PSMD11: variants seen among roughly 807,000 people sequenced by gnomAD.
PSMD11 encodes the protein proteasome 26S subunit, non-ATPase 11, also known as 26S proteasome non-ATPase regulatory subunit 11.
A neutral mutation model predicts 62.3 loss-of-function variants in PSMD11; 5 were observed. The ratio of observed to expected loss-of-function variants is 0.08; its 90% confidence interval spans 0.04 to 0.17. The LOEUF (loss-of-function observed/expected upper bound fraction) is 0.17, where lower values mean the gene tolerates loss of function less well. Among genes scored for constraint, PSMD11 ranks in the 10% least tolerant of loss-of-function variants. PSMD11 has a pLI of 1.00. For synonymous variants in PSMD11, 191 were observed against 191.8 expected (o/e 1.00, Z 0.03); for missense variants, 310 against 512.9 (o/e 0.60, Z 3.82).
Position 32,444,520 on chromosome 17 carries a change from T to A in PSMD11, c.-4T>A, listed in dbSNP as rs925866007. The A allele has an allele frequency of 6.3e-7, 1 of 1,591,974 alleles. No individual in the cohort carries two copies. Among genetic ancestry groups the A allele is most frequent in the Non-Finnish European group, 8.5e-7 (1 of 1,170,146 alleles). On this transcript the variant is annotated 5_prime_UTR_variant, in exon 1 of 14. Coordinates refer to ENST00000261712, the MANE Select transcript of PSMD11 (RefSeq NM_002815.4). ...GCGGCCGGGGACGGTGTGAGAGCGG[T>A]AAGATGGCGGCGGCGGCGGTGGTGG...
chr17:32,470,429 C>T (rs1357480165), intron 6 of PSMD11, among the ~76,000 whole-genome samples: 1 of 152,124 alleles, frequency 6.6e-6, no homozygotes, highest in Non-Finnish European at 1.5e-5. Flanking sequence ...TCTCCTGTCT[C>T]AGCCTCCCGA....
At chr17:32,463,983 C>T in intron 3 of PSMD11, 66 bp from the exon 4 acceptor site, 2 of 1,460,014 alleles carry the variant, frequency 1.4e-6, no homozygotes, top group South Asian at 2.3e-5. Flanking sequence ...AGCTGTTCTC[C>T]AAAGCATGGT....
In PSMD11 at chr17:32,480,176, A is replaced by G; in HGVS notation, c.1105A>G (p.Ile369Val). 2 of 1,613,972 alleles carry G rather than the reference A, an allele frequency of 1.2e-6. No individual in the cohort carries two copies. Among genetic ancestry groups the G allele is most frequent in the Non-Finnish European group, 8.5e-7 (1 of 1,179,818 alleles). ...CGTGGAAAGGAAATTATCACAGATG[A>G]TTCTTGACAAGAAATTTCATGGTAA... ...ADVERKLSQM[I>V]LDKKFHGILD... The change falls in exon 12 of 14, where the codon ATT (isoleucine) becomes GTT (valine). Residue 369 changes from isoleucine (I) to valine (V), a missense_variant. Transcript: ENST00000261712.
intron 2 of PSMD11, among the ~76,000 whole-genome samples, chr17:32,450,750 G>A (rs887978316): frequency 6.6e-6 from 1 of 151,936 alleles, no homozygotes; most frequent in Non-Finnish European, 1.5e-5. Flanking sequence ...GACTAAAACA[G>A]ATGATGAACT....
chr17:32,444,790 T>G (rs992409167), intron 1 of PSMD11, 176 bp downstream of exon 1: 2 of 700,124 alleles, frequency 2.9e-6, no homozygotes, highest in Non-Finnish European at 4.6e-6. Flanking sequence ...CAGGTCTCAC[T>G]CTTGTGGGAG....
intron 9 of PSMD11, among the ~76,000 whole-genome samples, chr17:32,479,031 T>C (rs1310080676): frequency 6.6e-6 from 1 of 152,200 alleles, no homozygotes; most frequent in Non-Finnish European, 1.5e-5. Context: ...CACATGAGCC[T>C]CCCGAGTGAC....
In PSMD11 at chr17:32,477,553, C is replaced by T. The variant is rs891370507; in HGVS notation, c.882C>T (p.Ser294=). 3.7e-6 allele frequency: 6 copies of T among 1,610,670 alleles called. No individual in the cohort carries two copies. The highest frequency in any genetic ancestry group is 5.1e-6 in the Non-Finnish European group (6 of 1,178,494). ...CATTAAAATGCGTGGCTCAGGCTAG[C>T]AAGAACAGATCACTGGCAGATTTTG... ...TEALKCVAQA[S]KNRSLADFEK... Residue 294 remains serine, a synonymous_variant, in exon 9 of 14, where the codon AGC becomes AGT. Coordinates refer to ENST00000261712, the MANE Select transcript of PSMD11 (RefSeq NM_002815.4).
At chr17:32,457,682 C>T (rs1049627795) in intron 3 of PSMD11, among the ~76,000 whole-genome samples, 6 of 152,178 alleles carry the variant, frequency 3.9e-5, no homozygotes, top group Non-Finnish European at 8.8e-5. Flanking sequence ...CAGACTGTCT[C>T]ACCTGCACCT....
intron 4 of PSMD11, 71 bp downstream of exon 4, chr17:32,464,191 C>T: frequency 7.2e-7 from 1 of 1,387,690 alleles, no homozygotes; most frequent in South Asian, 1.2e-5. Context: ...GCAGTACCAT[C>T]CTTATCAAAA....
chr17:32,464,025 A>G (rs757754785), intron 3 of PSMD11, 24 bp from the exon 4 acceptor site: 18 of 1,606,352 alleles, frequency 1.1e-5, no homozygotes, highest in Middle Eastern at 1.7e-4. Flanking sequence ...ATAATGTTGC[A>G]TGTACTGTCT....
chr17:32,446,824 TCTAGAATTTGTC>T, intron 1 of PSMD11, 109 bp from the exon 2 acceptor site: 1 of 429,802 alleles, frequency 2.3e-6, no homozygotes, highest in Non-Finnish European at 4.1e-6. Flanking sequence ...TTTTTTTAAC[TCTAGAATTTGTC>T]TTTTGGTAAA....
At chr17:32,448,836 G>T (rs944308914) in intron 2 of PSMD11, among the ~76,000 whole-genome samples, 3 of 152,138 alleles carry the variant, frequency 2.0e-5, no homozygotes, top group Admixed American at 6.5e-5. Flanking sequence ...CCTAGGATTT[G>T]AGCTCATGTA....
intron 6 of PSMD11, among the ~76,000 whole-genome samples, chr17:32,472,568 C>T (rs1377953550): frequency 6.7e-6 from 1 of 148,544 alleles, no homozygotes; most frequent in East Asian, 2.0e-4. Flanking sequence ...GACGGAGTCT[C>T]ACTCTGTCGC....
chr17:32,446,767 C>T (rs1420878120), intron 1 of PSMD11, among the ~76,000 whole-genome samples, 178 bp from the exon 2 acceptor site: 1 of 145,714 alleles, frequency 6.9e-6, no homozygotes, highest in African/African-American at 2.5e-5. Flanking sequence ...GGAGCATATT[C>T]TACGTATATA....
intron 2 of PSMD11, among the ~76,000 whole-genome samples, chr17:32,449,927 G>C (rs575037767): frequency 5.1e-4 from 78 of 152,232 alleles, no homozygotes; most frequent in African/African-American, 1.7e-3. Context: ...AATCACTTGG[G>C]GATTACCAAA....
chr17:32,444,532 G>C lies in PSMD11; in HGVS notation c.9G>C (p.Ala3=), dbSNP rs1414949494. ...GGTGTGAGAGCGGTAAGATGGCGGCGGCGGCGGTGGTGGAGTTCCAGAGAG... is the reference window on the plus strand; with the variant it reads ...GGTGTGAGAGCGGTAAGATGGCGGCCGCGGCGGTGGTGGAGTTCCAGAGAG... MA[A]AAVVEFQRAQ... is the part of the protein sequence containing the mutation. Residue 3 remains alanine (A), a synonymous_variant, in exon 1 of 14, where the codon GCG becomes GCC. Coordinates refer to ENST00000261712, the MANE Select transcript of PSMD11 (RefSeq NM_002815.4). The C allele has an allele frequency of 6.2e-7, 1 of 1,600,784 alleles. No individual in the cohort carries two copies. Among genetic ancestry groups the C allele is most frequent in the East Asian group, 2.3e-5 (1 of 44,122 alleles).
chr17:32,465,046 T>G (rs1160924036), intron 5 of PSMD11, among the ~76,000 whole-genome samples: 2 of 151,968 alleles, frequency 1.3e-5, no homozygotes, highest in Admixed American at 6.6e-5. Context: ...TGAAGCCTTT[T>G]TCCTGTGTGG....
chr17:32,446,701 G>A (rs1183845275), intron 1 of PSMD11, among the ~76,000 whole-genome samples: 1 of 151,848 alleles, frequency 6.6e-6, no homozygotes, highest in Admixed American at 6.6e-5. Context: ...CTGCTGGGTA[G>A]AATGAAAAGG....
chr17:32,466,019 G>A (rs1299108969), intron 5 of PSMD11, among the ~76,000 whole-genome samples: 3 of 151,780 alleles, frequency 2.0e-5, no homozygotes, highest in Non-Finnish European at 4.4e-5. Context: ...TCTTTGAGAT[G>A]GAGTCTCACT....
Sources: gnomAD v4.1 joint callset for allele counts (sites outside exome capture counted in the v4.1 genomes callset) on GRCh38, gnomAD v4.1.1 for gene constraint, MANE v1.5 for transcripts, NCBI Gene and HGNC (gene_info 2026-07-23, HGNC 2026-07-21) for gene names.